Variants in USP47 observed in about 807,000 individuals in gnomAD.
USP47 encodes ubiquitin carboxyl-terminal hydrolase 47.
A neutral mutation model predicts 165.1 loss-of-function variants in USP47; 35 were observed. The ratio of observed to expected loss-of-function variants is 0.21; its 90% CI spans 0.16 to 0.28. The LOEUF (loss-of-function observed/expected upper bound fraction) is 0.28, where lower values mean the gene tolerates loss of function less well. Among genes scored for constraint, USP47 ranks in the 10% least tolerant of loss-of-function variants. The pLI is 1.00. For missense variants in USP47, 1,277 were observed against 1,607.4 expected (o/e 0.79, Z 3.52); for synonymous variants, 531 against 544.5 (o/e 0.98, Z 0.35).
chr11:11,938,670 G>C (rs1232476177), intron 18 of USP47, among the ~76,000 whole-genome samples: 1 of 151,980 alleles, frequency 6.6e-6, no homozygotes, highest in African/African-American at 2.4e-5. Flanking sequence ...CGAAAGTTTG[G>C]GCTCCTTTTT....
In USP47 at chr11:11,884,517, G is replaced by A. The variant is rs774308501; in HGVS notation, c.294G>A (p.Glu98=). The change falls in exon 3 of 28, where the codon GAG becomes GAA. Residue 98 remains glutamate (E), a synonymous_variant. Coordinates refer to ENST00000527733, the MANE Select transcript of USP47 (RefSeq NM_001282659.2). ...AGTCACTTCTCGACGCTAATTTTGAGCCAGGAAAGAAGAACTTTCTGCATT... is the reference window on the plus strand; with the variant it reads ...AGTCACTTCTCGACGCTAATTTTGAACCAGGAAAGAAGAACTTTCTGCATT... ...SDKSLLDANF[E]PGKKNFLHLT... is the part of the protein sequence containing the mutation. The A allele has an allele frequency of 2.5e-6, 4 of 1,612,032 alleles. No individual in the cohort carries two copies. Among genetic ancestry groups the A allele is most frequent in the Non-Finnish European group, 3.4e-6 (4 of 1,179,306 alleles).
intron 4 of USP47, among the ~76,000 whole-genome samples, chr11:11,896,011 T>C (rs890844549): frequency 5.9e-5 from 9 of 152,224 alleles, no homozygotes; most frequent in Non-Finnish European, 1.0e-4. Context: ...CAATGCATAA[T>C]GAGAAAGGTT....
intron 4 of USP47, 27 bp from the exon 5 acceptor site, chr11:11,897,570 A>G (rs746373676): frequency 2.7e-6 from 4 of 1,473,872 alleles, no homozygotes; most frequent in Non-Finnish European, 3.7e-6. Flanking sequence ...ATGCTGATTA[A>G]TGTACATTTG....
At chr11:11,908,105 A>G (rs1362768741) in intron 8 of USP47, among the ~76,000 whole-genome samples, 1 of 152,136 alleles carries the variant, frequency 6.6e-6, no homozygotes, top group Non-Finnish European at 1.5e-5. Context: ...ACAAAAAAAG[A>G]TATAGATGTA....
At chr11:11,873,659 A>C in intron 1 of USP47, 2 of 391,648 alleles carry the variant, frequency 5.1e-6, no homozygotes. Flanking sequence ...CATGAATAAA[A>C]TTCTAGATGA....
In USP47 at chr11:11,948,502, C is replaced by T; in HGVS notation, c.3292C>T (p.Leu1098Phe). 2 of 1,612,772 alleles carry T rather than the reference C, an allele frequency of 1.2e-6. No homozygotes were observed. Among genetic ancestry groups the T allele is most frequent in the Non-Finnish European group, 1.7e-6 (2 of 1,179,186 alleles). The change falls in exon 22 of 28, where the codon CTT (leucine) becomes TTT (phenylalanine). Residue 1098 changes from leucine to phenylalanine, a missense_variant. Leu to Phe is a conservative substitution (Grantham distance 22). Around this residue, in one of 4 missense-constraint regions of USP47, gnomAD observed 909 missense variants for 1,068.1 expected, o/e 0.85. Transcript: ENST00000527733. ...GATTACAATTAGACTGGGGAGAGCA[C>T]TTAAAAAAGGAGAATACAGAGTTAA... The part of the protein sequence containing the change: ...NKITIRLGRA[L>F]KKGEYRVKVY...
At chr11:11,867,830 C>T (rs1849778956) in intron 1 of USP47, among the ~76,000 whole-genome samples, 1 of 151,922 alleles carries the variant, frequency 6.6e-6, no homozygotes, top group East Asian at 1.9e-4. Flanking sequence ...CTGCCAGGTG[C>T]CTGGGAATAT....
chr11:11,855,761 T>C (rs1264030379), intron 1 of USP47, among the ~76,000 whole-genome samples: 1 of 152,222 alleles, frequency 6.6e-6, no homozygotes, highest in Non-Finnish European at 1.5e-5. Context: ...TTGTTTTTAG[T>C]GTAGATTTCC....
chr11:11,900,154 CTTTTTTTT>C (rs1042565841), intron 5 of USP47, among the ~76,000 whole-genome samples: 5 of 99,074 alleles, frequency 5.0e-5, no homozygotes, highest in Admixed American at 1.2e-4. Flanking sequence ...ATTTTCTTCA[CTTTTTTTT>C]TTTTTTTTTT....
chr11:11,942,665 A>C lies in USP47; in HGVS notation c.2644A>C (p.Thr882Pro), dbSNP rs1459546015. ...TGGGGACAGCAGCAAAAGTACTGAG[A>C]CAAGTGACTTTGAAAACATCGAATC... Reference protein sequence around the residue: ...DNGDSSKSTETSDFENIESPL... With the variant: ...DNGDSSKSTEPSDFENIESPL... Residue 882 changes from threonine to proline, a missense_variant, in exon 20 of 28, where the codon ACA becomes CCA. Physicochemically the swap from Thr to Pro is conservative, Grantham distance 38 (BLOSUM62 -1). Around this residue, in one of 4 missense-constraint regions of USP47, gnomAD observed 909 missense variants for 1,068.1 expected, o/e 0.85. Coordinates refer to ENST00000527733, the MANE Select transcript of USP47 (RefSeq NM_001282659.2). 6.2e-7 allele frequency: 1 copy of C among 1,613,448 alleles called. No individual in the cohort carries two copies. Among genetic ancestry groups the C allele is most frequent in the Non-Finnish European group, 8.5e-7 (1 of 1,179,766 alleles).
chr11:11,902,844 A>G lies in USP47; in HGVS notation c.723A>G (p.Gly241=). ...CCACAGATGTTACAAGGAGCTTTGGATGGGATAGTAGTGAGGGTACTAATT... is the reference window on the plus strand; with the variant it reads ...CCACAGATGTTACAAGGAGCTTTGGGTGGGATAGTAGTGAGGGTACTAATT... ...IETTDVTRSF[G]WDSSEAWQQH... The change falls in exon 6 of 28, where the codon GGA becomes GGG. Residue 241 remains glycine (G), a synonymous_variant. Coordinates refer to ENST00000527733, the MANE Select transcript of USP47 (RefSeq NM_001282659.2). 2.5e-6 allele frequency: 4 copies of G among 1,595,252 alleles called. No individual in the cohort carries two copies. The highest frequency in any genetic ancestry group is 3.4e-6 in the Non-Finnish European group (4 of 1,171,138).
chr11:11,880,210 T>G lies in USP47; in HGVS notation c.73T>G (p.Cys25Gly). The G allele has an allele frequency of 6.8e-7, 1 of 1,476,846 alleles. No individual in the cohort carries two copies. Among genetic ancestry groups the G allele is most frequent in the Non-Finnish European group, 8.9e-7 (1 of 1,124,608 alleles). 91.5% of individuals were successfully genotyped at this position (1,476,846 alleles called of 1,614,324 possible). A position where few individuals can be genotyped will look rare whatever the true frequency, so the allele number is the denominator to read the frequency against. Residue 25 changes from cysteine (C) to glycine (G), a missense_variant, in exon 2 of 28, where the codon TGT (cysteine) becomes GGT (glycine). Transcript: ENST00000527733. The part of the protein sequence containing the change: ...ENAAEEPRVL[C>G]IIQDTTNSKT... The stretch of plus-strand genomic sequence containing the variant: ...TGCTGCTGAAGAACCTAGAGTCTTA[T>G]GTATTATACAAGATACTACTAATTC...
At position 11,960,200 on chromosome 11, in the gene USP47, C is replaced by A. The variant is rs1277078840; in HGVS notation, c.*4025C>A. ...CCATAGTGCCTCCAAGATGTGCTGT[C>A]CCTGCCAACTCCTGCACCAGCTTGA... On this transcript the variant is annotated 3_prime_UTR_variant, in exon 28 of 28. Transcript: ENST00000527733. 2.0e-5 allele frequency among the ~76,000 whole-genome samples: 3 copies of A among 152,168 alleles called. No homozygotes were observed. In the East Asian group the frequency reaches 5.8e-4, roughly 29 times the overall value.
intron 16 of USP47, among the ~76,000 whole-genome samples, chr11:11,936,101 G>T (rs1855043581): frequency 1.3e-5 from 2 of 151,620 alleles, no homozygotes; most frequent in South Asian, 4.1e-4. Context: ...GAGGGATAAT[G>T]AAACATAATT....
At chr11:11,901,321 G>T (rs1008437421) in intron 5 of USP47, among the ~76,000 whole-genome samples, 1 of 152,146 alleles carries the variant, frequency 6.6e-6, no homozygotes, top group Non-Finnish European at 1.5e-5. Flanking sequence ...AAACTAAAAA[G>T]TGGGGAAATA....
At chr11:11,846,239 T>C (rs1483756295) in intron 1 of USP47, among the ~76,000 whole-genome samples, 1 of 152,190 alleles carries the variant, frequency 6.6e-6, no homozygotes, top group Non-Finnish European at 1.5e-5. Context: ...GGTTGCTATT[T>C]TGTTATTCTG....
rs1397654180 is a variant in USP47 at position 11,961,265 on chromosome 11, A to C, written c.*5090A>C. ...ACCTTGACGTGGGAAGATTGTGATT[A>C]TTTACCTGACAGGGCAAAAGAGATT... On this transcript the variant is annotated 3_prime_UTR_variant, in exon 28 of 28. Transcript: ENST00000527733. 6.6e-6 allele frequency among the ~76,000 whole-genome samples: 1 copy of C among 152,006 alleles called. No homozygotes were observed. The highest frequency in any genetic ancestry group is 1.9e-4 in the East Asian group (1 of 5,162).
At chr11:11,950,505 G>A (rs767381297) in intron 24 of USP47, 23 bp downstream of exon 24, 17 of 1,513,856 alleles carry the variant, frequency 1.1e-5, no homozygotes, top group Middle Eastern at 1.7e-4. Flanking sequence ...TTTTTGGGGG[G>A]AAGTATCAGT....
chr11:11,871,783 C>T (rs1390203783), intron 1 of USP47, among the ~76,000 whole-genome samples: 1 of 152,148 alleles, frequency 6.6e-6, no homozygotes, highest in Non-Finnish European at 1.5e-5. Flanking sequence ...TCCTTTAACT[C>T]AGGGAGATTG....
Sources: allele counts gnomAD v4.1 joint callset (sites outside exome capture counted in the v4.1 genomes callset), GRCh38; gene constraint gnomAD v4.1.1; regional missense constraint gnomAD v4.1.1; transcripts MANE v1.5; gene names NCBI Gene and HGNC (gene_info 2026-07-23, HGNC 2026-07-21).